The following CBFA2T3 variants were observed in gnomAD, a reference collection of about 807,000 sequenced individuals.
CBFA2T3 encodes transcriptional corepressor CBFA2T3.
A neutral mutation model predicts 58.6 loss-of-function variants in CBFA2T3; 31 were observed. That is an observed-to-expected ratio of 0.53 (90% CI 0.40 to 0.71). The LOEUF (loss-of-function observed/expected upper bound fraction) is 0.71, where lower values mean the gene tolerates loss of function less well. Ranked by LOEUF, CBFA2T3 falls within the 30% of genes least tolerant of loss-of-function variation. The pLI is 0.00. For synonymous variants in CBFA2T3, 531 were observed against 421.9 expected, an observed-to-expected ratio of 1.26 and a Z score of -3.17; for missense variants, 1,076 against 963.1, an observed-to-expected ratio of 1.12 and a Z score of -1.55.
At chr16:88,908,195 A>G (rs1283663845) in intron 1 of CBFA2T3, among the ~76,000 whole-genome samples, 2 of 152,204 alleles carry the variant, frequency 1.3e-5, no homozygotes, top group Non-Finnish European at 2.9e-5. Context: ...TGCAAAAATT[A>G]GCCGAGCGTA....
At chr16:88,900,519 C>G (rs1970055064) in intron 2 of CBFA2T3, among the ~76,000 whole-genome samples, 1 of 152,224 alleles carries the variant, frequency 6.6e-6, no homozygotes, top group Non-Finnish European at 1.5e-5. Context: ...GGAAGCAGCT[C>G]TTTCTGGCCC....
At chr16:88,909,640 C>T (rs959925064) in intron 1 of CBFA2T3, among the ~76,000 whole-genome samples, 5 of 125,384 alleles carry the variant, frequency 4.0e-5, no homozygotes, top group African/African-American at 9.1e-5. Context: ...CAGAATCACA[C>T]GGTCCCACAG....
intron 1 of CBFA2T3, among the ~76,000 whole-genome samples, chr16:88,917,563 G>C (rs769876103): frequency 3.9e-5 from 6 of 152,168 alleles, no homozygotes; most frequent in African/African-American, 9.7e-5. Context: ...CCAAAGTGTC[G>C]TCGCTGTTTA....
At chr16:88,974,532 C>CCGCCACGAAACG (rs1372297446) in intron 1 of CBFA2T3, among the ~76,000 whole-genome samples, 1 of 152,170 alleles carries the variant, frequency 6.6e-6, no homozygotes, top group African/African-American at 2.4e-5. Context: ...TCTCTCCTGC[C>CCGCCACGAAACG]CGCCACCAAA....
intron 5 of CBFA2T3, among the ~76,000 whole-genome samples, chr16:88,889,436 G>A (rs954976112): frequency 6.6e-6 from 1 of 151,390 alleles, no homozygotes. Context: ...TGGGAACAGA[G>A]GTGGGTGTGA....
At chr16:88,940,521 A>G (rs1468173999) in intron 1 of CBFA2T3, among the ~76,000 whole-genome samples, 1 of 152,176 alleles carries the variant, frequency 6.6e-6, no homozygotes, top group Non-Finnish European at 1.5e-5. Context: ...TCAGGACCCC[A>G]GGGACCGCAT....
chr16:88,956,682 T>A (rs1367410742), intron 1 of CBFA2T3, among the ~76,000 whole-genome samples: 1 of 152,202 alleles, frequency 6.6e-6, no homozygotes, highest in Non-Finnish European at 1.5e-5. Context: ...GCCTGGTGTC[T>A]GTTACTGGTG....
chr16:88,908,433 G>A (rs557876506), intron 1 of CBFA2T3, among the ~76,000 whole-genome samples: 5 of 152,302 alleles, frequency 3.3e-5, no homozygotes, highest in South Asian at 4.1e-4. Context: ...TTTCCCAGAC[G>A]GCACATCCAG....
chr16:88,931,357 CCTT>C (rs529188301), intron 1 of CBFA2T3, among the ~76,000 whole-genome samples: 17 of 152,234 alleles, frequency 1.1e-4, no homozygotes, highest in Admixed American at 3.9e-4. Flanking sequence ...AGCTGAGCGA[CCTT>C]CTTGCTGCAA....
intron 5 of CBFA2T3, among the ~76,000 whole-genome samples, chr16:88,889,537 C>T (rs1017895655): frequency 5.3e-5 from 8 of 151,916 alleles, no homozygotes; most frequent in South Asian, 2.1e-4. Flanking sequence ...ATTTGACAGA[C>T]CTAGGTTTGA....
chr16:88,947,105 G>A (rs962365315), intron 1 of CBFA2T3, among the ~76,000 whole-genome samples: 1 of 152,216 alleles, frequency 6.6e-6, no homozygotes. Context: ...TAATGAAAAG[G>A]TGTCAGTATT....
intron 1 of CBFA2T3, among the ~76,000 whole-genome samples, chr16:88,947,331 GACAGAT>G (rs1971929157): frequency 6.6e-6 from 1 of 152,224 alleles, no homozygotes; most frequent in Non-Finnish European, 1.5e-5. Context: ...CCGTTTAAAA[GACAGAT>G]ACAAACAGAC....
intron 1 of CBFA2T3, among the ~76,000 whole-genome samples, chr16:88,975,123 C>CATGTCAGAGGTCCACCCTGACCCT (rs1972771550): frequency 3.3e-4 from 38 of 113,512 alleles, no homozygotes; most frequent in East Asian, 1.1e-3. Flanking sequence ...CCACCCTGGC[C>CATGTCAGAGGTCCACCCTGACCCT]CTCTGCTCCT....
Position 88,885,859 on chromosome 16 carries a change from G to C in CBFA2T3, c.893+102C>G. The C allele has an allele frequency of 9.4e-7, 1 of 1,063,184 alleles. No individual in the cohort carries two copies. Among genetic ancestry groups the C allele is most frequent in the Non-Finnish European group, 1.4e-6 (1 of 739,574 alleles). 65.9% of individuals were successfully genotyped at this position (1,063,184 alleles called of 1,614,324 possible). A position where few individuals can be genotyped will look rare whatever the true frequency, so the allele number is the denominator to read the frequency against. ...TCAGCCCGAGAGAGCCGGCCGGGCT[G>C]GCTGCAGCCCCAGAGGAGGTTCCCT... On this transcript the variant is annotated intron_variant, in intron 6 of 11. Coordinates refer to ENST00000268679, the MANE Select transcript of CBFA2T3 (RefSeq NM_005187.6). The surrounding 1 kb of genome is among the most constrained non-coding windows in gnomAD (Gnocchi z 5.3).
At chr16:88,956,495 A>C (rs1197080308) in intron 1 of CBFA2T3, among the ~76,000 whole-genome samples, 4 of 152,198 alleles carry the variant, frequency 2.6e-5, no homozygotes, top group Admixed American at 2.6e-4. Flanking sequence ...CGGAGCTTCT[A>C]CTGGCCTCAC....
rs554372938 is a variant in CBFA2T3, at chr16:88,879,100, A to G, written c.1662+170T>C. On this transcript the variant is annotated intron_variant, in intron 11 of 11. Transcript: ENST00000268679. Reference sequence around the variant, plus strand: ...AGGACGCCTCACTGAACCATGTGGGATCTCTGTGCTGATAAAGCACAGTGT... The same window carrying G: ...AGGACGCCTCACTGAACCATGTGGGGTCTCTGTGCTGATAAAGCACAGTGT... 1.9e-3 allele frequency among the ~76,000 whole-genome samples: 282 copies of G among 152,344 alleles called. 2 individuals carry two copies. Among genetic ancestry groups the G allele is most frequent in the Non-Finnish European group, 2.4e-3 (164 of 68,022 alleles).
intron 1 of CBFA2T3, among the ~76,000 whole-genome samples, chr16:88,926,517 C>G (rs1287301216): frequency 6.6e-6 from 1 of 152,202 alleles, no homozygotes; most frequent in Admixed American, 6.5e-5. Flanking sequence ...GTCACCAGGC[C>G]GGAGTCTCAG....
chr16:88,961,145 G>A (rs1190867482), intron 1 of CBFA2T3, among the ~76,000 whole-genome samples: 1 of 152,150 alleles, frequency 6.6e-6, no homozygotes, highest in East Asian at 1.9e-4. Context: ...CTGATCTGGT[G>A]TCTCTAGAGC....
At chr16:88,881,594 C>T in intron 8 of CBFA2T3, 105 bp from the exon 9 acceptor site, 1 of 1,157,472 alleles carries the variant, frequency 8.6e-7, no homozygotes, top group Non-Finnish European at 1.2e-6. Context: ...GGTGCCCGAC[C>T]AGCCCACCGC....
Sources: gnomAD v4.1 joint callset for allele counts (sites outside exome capture counted in the v4.1 genomes callset) on GRCh38, gnomAD v4.1.1 for gene constraint, Gnocchi (gnomAD v3.1) non-coding constraint, MANE v1.5 for transcripts, NCBI Gene and HGNC (gene_info 2026-07-23, HGNC 2026-07-21) for gene names.